The following FBXL2 variants were observed in gnomAD, a reference collection of about 807,000 sequenced individuals.
The protein encoded by FBXL2 is F-box and leucine rich repeat protein 2, also known as F-box/LRR-repeat protein 2.
Under a neutral mutation model 69.2 loss-of-function variants are expected in FBXL2, and 38 were observed. The observed-to-expected ratio is 0.55, with a 90% CI of 0.42 to 0.72. FBXL2 has a LOEUF of 0.72. Ranked by LOEUF, FBXL2 falls within the 30% of genes least tolerant of loss-of-function variation. FBXL2 has a pLI of 0.00. For missense variants in FBXL2, 354 were observed against 520.3 expected, an observed-to-expected ratio of 0.68 and a Z score of 3.11; for synonymous variants, 192 against 201.3, an observed-to-expected ratio of 0.95 and a Z score of 0.39.
intron 2 of FBXL2, among the ~76,000 whole-genome samples, chr3:33,341,869 C>G (rs2040044989): frequency 6.7e-6 from 1 of 148,690 alleles, no homozygotes; most frequent in East Asian, 2.0e-4. Context: ...CAGGTGAAGG[C>G]TCTGGGGCTC....
At chr3:33,345,380 T>C (rs1355300838) in intron 2 of FBXL2, among the ~76,000 whole-genome samples, 1 of 152,184 alleles carries the variant, frequency 6.6e-6, no homozygotes, top group Admixed American at 6.5e-5. Context: ...TTGGTGGTAG[T>C]GGGGCACACA....
At chr3:33,422,576 T>A in the FBXL2 span, among the ~76,000 whole-genome samples, 1 of 151,798 alleles carries the variant, frequency 6.6e-6, no homozygotes, top group East Asian at 1.9e-4. Flanking sequence ...TTTTTAAAAA[T>A]TTGCCAGGCA....
At chr3:33,371,257 C>T (rs1012797660) in intron 5 of FBXL2, among the ~76,000 whole-genome samples, 4 of 151,224 alleles carry the variant, frequency 2.6e-5, no homozygotes, top group Non-Finnish European at 5.9e-5. Context: ...CTCCACCTCC[C>T]GGGTTCAAGT....
At chr3:33,294,140 A>G (rs1297233728) in intron 1 of FBXL2, among the ~76,000 whole-genome samples, 2 of 152,320 alleles carry the variant, frequency 1.3e-5, no homozygotes, top group Middle Eastern at 3.4e-3. Context: ...TCTGTTGCCT[A>G]GGCTGGAGTG....
At chr3:33,316,123 A>T (rs1220717077) in intron 2 of FBXL2, among the ~76,000 whole-genome samples, 1 of 150,060 alleles carries the variant, frequency 6.7e-6, no homozygotes, top group South Asian at 2.1e-4. Context: ...TAGTGACGTG[A>T]TCTCAGCTCA....
chr3:33,411,408 T>C, the FBXL2 span, among the ~76,000 whole-genome samples: 12 of 152,366 alleles, frequency 7.9e-5, no homozygotes, highest in East Asian at 1.3e-3. Context: ...TCATATATGT[T>C]AGTTTAAAAT....
Position 33,373,179 on chromosome 3 carries a change from T to A in FBXL2, c.359+19T>A, listed in dbSNP as rs76631671. ...CTGACAGGTAAGTAATGAAGATTAA[T>A]TGGTGACCAAATAGCCACGGGGAGA... On this transcript the variant is annotated intron_variant, in intron 6 of 14. Coordinates refer to ENST00000484457, the MANE Select transcript of FBXL2 (RefSeq NM_012157.5). 2 of 1,613,100 alleles carry A rather than the reference T, an allele frequency of 1.2e-6. No individual in the cohort carries two copies. Among genetic ancestry groups the A allele is most frequent in the Admixed American group, 1.7e-5 (1 of 59,990 alleles).
At chr3:33,354,390 T>G (rs2041050548) in intron 2 of FBXL2, among the ~76,000 whole-genome samples, 1 of 151,778 alleles carries the variant, frequency 6.6e-6, no homozygotes, top group African/African-American at 2.4e-5. Context: ...GGTGGGCGCC[T>G]GTAATCCCAG....
the FBXL2 span, among the ~76,000 whole-genome samples, chr3:33,418,647 T>C: frequency 6.6e-6 from 1 of 151,256 alleles, no homozygotes; most frequent in Non-Finnish European, 1.5e-5. Flanking sequence ...TCACCTGAGG[T>C]TGGGAGTTCG....
At chr3:33,349,071 G>A (rs1415587725) in intron 2 of FBXL2, among the ~76,000 whole-genome samples, 1 of 152,106 alleles carries the variant, frequency 6.6e-6, no homozygotes, top group African/African-American at 2.4e-5. Context: ...CAAGGATAAT[G>A]TGACTTCTTC....
chr3:33,389,789 A>C (rs893180912), downstream of FBXL2: 2 of 154,150 alleles, frequency 1.3e-5, no homozygotes, highest in African/African-American at 4.8e-5. Context: ...ACCCTCAGAC[A>C]TGATTTCTTC....
At chr3:33,303,177 G>C (rs1282038998) in intron 2 of FBXL2, 2 of 456,330 alleles carry the variant, frequency 4.4e-6, no homozygotes, top group Non-Finnish European at 8.8e-6. Flanking sequence ...TGCTCTTTTG[G>C]GGGTACATGC....
intron 2 of FBXL2, among the ~76,000 whole-genome samples, chr3:33,330,933 A>T (rs2039108266): frequency 6.6e-6 from 1 of 151,438 alleles, no homozygotes; most frequent in African/African-American, 2.4e-5. Context: ...ACACACACAA[A>T]TATATCTATA....
At chr3:33,298,011 A>G (rs1397753130) in intron 2 of FBXL2, 2 of 406,446 alleles carry the variant, frequency 4.9e-6, no homozygotes, top group African/African-American at 4.1e-5. Flanking sequence ...TGTTTTCAGT[A>G]GATAATCGTG....
At chr3:33,399,824 AGT>A (rs2044153351) in intron 12 of FBXL2, among the ~76,000 whole-genome samples, 1 of 151,864 alleles carries the variant, frequency 6.6e-6, no homozygotes, top group African/African-American at 2.4e-5. Flanking sequence ...TGAGAAACGG[AGT>A]GAAGAGTACA....
At chr3:33,314,354 T>C (rs2037483219) in intron 2 of FBXL2, among the ~76,000 whole-genome samples, 2 of 152,162 alleles carry the variant, frequency 1.3e-5, no homozygotes, top group Admixed American at 6.5e-5. Context: ...TAGCAACCAC[T>C]GTTCTACTCT....
At chr3:33,308,302 G>A (rs957252394) in intron 2 of FBXL2, among the ~76,000 whole-genome samples, 4 of 152,172 alleles carry the variant, frequency 2.6e-5, no homozygotes, top group African/African-American at 9.7e-5. Context: ...CTGTGGGAAA[G>A]GGTATTTCAA....
Position 33,375,342 on chromosome 3 carries a change from G to A in FBXL2, c.712G>A (p.Ala238Thr), listed in dbSNP as rs1235570147. 1 of 1,614,200 alleles carries A rather than the reference G, an allele frequency of 6.2e-7. No individual in the cohort carries two copies. The highest frequency in any genetic ancestry group is 8.5e-7 in the Non-Finnish European group (1 of 1,180,036). ...ATGCAGGGGCTGTCACCGGCTACAGGCTCTCTGCCTTTCGGGTTGCAGCAA... is the reference window on the plus strand; with the variant it reads ...ATGCAGGGGCTGTCACCGGCTACAGACTCTCTGCCTTTCGGGTTGCAGCAA... The part of the protein sequence containing the change: ...QICRGCHRLQ[A>T]LCLSGCSNLT... Residue 238 changes from alanine (A) to threonine (T), a missense_variant, in exon 10 of 15, where the codon GCT becomes ACT. Physicochemically the swap from Ala to Thr is moderately conservative, Grantham distance 58. Coordinates refer to ENST00000484457, the MANE Select transcript of FBXL2 (RefSeq NM_012157.5).
At position 33,394,374 on chromosome 3, in the gene FBXL2, C is replaced by T. The variant is rs866999700; in HGVS notation, n.1214+8646C>T. 9.2e-5 allele frequency among the ~76,000 whole-genome samples: 14 copies of T among 152,068 alleles called. No individual in the cohort carries two copies. The Middle Eastern group carries it at 0.01, about 112-fold the overall frequency. The stretch of plus-strand genomic sequence containing the variant: ...CATTATAGTTTTTGATCCAGTAATC[C>T]TACTACTAGGAATTTATCCTAAGGA... On this transcript the variant is annotated intron_variant and non_coding_transcript_variant, in intron 12 of 12. Coordinates refer to the FBXL2 transcript ENST00000463736.
Sources: allele counts gnomAD v4.1 joint callset (sites outside exome capture counted in the v4.1 genomes callset), GRCh38; gene constraint gnomAD v4.1.1; transcripts MANE v1.5; gene names NCBI Gene and HGNC (gene_info 2026-07-23, HGNC 2026-07-21).